Variants in PEX14 observed in about 807,000 individuals in gnomAD.
The protein encoded by PEX14 is peroxisomal biogenesis factor 14.
Under a neutral mutation model 49.5 loss-of-function variants are expected in PEX14, and 15 were observed. The ratio of observed to expected loss-of-function variants is 0.30; its 90% CI spans 0.20 to 0.47. The LOEUF is 0.47. PEX14 is among the 20% of genes least tolerant of loss of function. The probability of loss-of-function intolerance (pLI) is 1.00; values close to 1 mark genes in which losing one functional copy is unlikely to be tolerated. For synonymous variants in PEX14, 210 were observed against 212.7 expected (o/e 0.99, Z 0.11); for missense variants, 398 against 494.8 (o/e 0.80, Z 1.86).
rs1032296350 is a variant in PEX14, at chr1:10,613,219, C to G, written c.299-5113C>G. ...GTGTTCTTAGTTGATGATGTTTGTT[C>G]TCACCTGTTAGGTGAGAATTTGGTT... On this transcript the variant is annotated intron_variant, in intron 4 of 8. Coordinates refer to ENST00000356607, the MANE Select transcript of PEX14 (RefSeq NM_004565.3). This position sits in a 1 kb window ranked among gnomAD's most constrained non-coding sequence, Gnocchi z 5.0. Among the ~76,000 whole-genome samples, 1 of 152,182 alleles carries G rather than the reference C, an allele frequency of 6.6e-6. No individual in the cohort carries two copies. The highest frequency in any genetic ancestry group is 2.4e-5 in the African/African-American group (1 of 41,438).
In PEX14 at chr1:10,521,721, C is replaced by A. The variant is rs939608756; in HGVS notation, c.85-14492C>A. On this transcript the variant is annotated intron_variant, in intron 2 of 8. Coordinates refer to ENST00000356607, the MANE Select transcript of PEX14 (RefSeq NM_004565.3). The stretch of plus-strand genomic sequence containing the variant: ...CTTATGGGTGTTGACTTTTTTCCCC[C>A]CTAAGAATCATACATATTTAAGGTG... Among the ~76,000 whole-genome samples the A allele has an allele frequency of 3.3e-5, 5 of 152,166 alleles. No individual in the cohort carries two copies. In the South Asian group the frequency reaches 6.2e-4, roughly 19 times the overall value.
At position 10,599,301 on chromosome 1, in the gene PEX14, C is replaced by T. The variant is rs778315559; in HGVS notation, c.233C>T (p.Ser78Leu). The T allele has an allele frequency of 3.7e-6, 6 of 1,613,954 alleles. No homozygotes were observed. The African/African-American group carries it at 4.0e-5, about 11-fold the overall frequency. ...QQSGTAADEP[S>L]SLGPATQVVP... ...TCGGGCACTGCTGCCGATGAGCCTT[C>T]GTCCTTGGGCCCAGCCACACAGGTG... The change falls in exon 4 of 9, where the codon TCG becomes TTG. Residue 78 changes from serine (S) to leucine (L), a missense_variant. Ser to Leu is a moderately radical substitution (Grantham distance 145). Around this residue, in one of 3 missense-constraint regions of PEX14, gnomAD observed 202 missense variants for 298.5 expected, o/e 0.68. Coordinates refer to ENST00000356607, the MANE Select transcript of PEX14 (RefSeq NM_004565.3).
Position 10,602,304 on chromosome 1 carries a change from G to T in PEX14, c.298+2938G>T, listed in dbSNP as rs966347086. On this transcript the variant is annotated intron_variant, in intron 4 of 8. Coordinates refer to ENST00000356607, the MANE Select transcript of PEX14 (RefSeq NM_004565.3). ...GTAATGATAATTTTAAATACCTGAA[G>T]TTTTTAGTTGTCATCATTGAGCTTC... 1.8e-4 allele frequency among the ~76,000 whole-genome samples: 27 copies of T among 152,030 alleles called. No individual in the cohort carries two copies. The East Asian group carries it at 4.2e-3, about 24-fold the overall frequency.
At position 10,630,045 on chromosome 1, in the gene PEX14, A is replaced by G; in HGVS notation, c.*58A>G. On this transcript the variant is annotated 3_prime_UTR_variant, in exon 9 of 9. Coordinates refer to ENST00000356607, the MANE Select transcript of PEX14 (RefSeq NM_004565.3). The surrounding 1 kb of genome is among the most constrained non-coding windows in gnomAD (Gnocchi z 4.1). ...GCATCTAGTGTGCCCGTGCGTGGCC[A>G]TACCCTGCCTCCCTCTCTGGCCCTG... The G allele has an allele frequency of 6.3e-7, 1 of 1,594,430 alleles. No individual in the cohort carries two copies. The highest frequency in any genetic ancestry group is 8.5e-7 in the Non-Finnish European group (1 of 1,176,506).
chr1:10,582,294 C>A (rs1357666465), intron 3 of PEX14, among the ~76,000 whole-genome samples: 1 of 152,042 alleles, frequency 6.6e-6, no homozygotes, highest in Non-Finnish European at 1.5e-5. Flanking sequence ...CATTTATTCA[C>A]ACATTGAACA....
chr1:10,492,781 C>A (rs1459177748), intron 1 of PEX14, among the ~76,000 whole-genome samples: 1 of 152,202 alleles, frequency 6.6e-6, no homozygotes, highest in Non-Finnish European at 1.5e-5. Flanking sequence ...ACTGTCCTAG[C>A]CCCCAGGGAT....
chr1:10,607,511 G>A (rs1347631232), intron 4 of PEX14, among the ~76,000 whole-genome samples: 4 of 152,158 alleles, frequency 2.6e-5, no homozygotes, highest in African/African-American at 9.7e-5. Context: ...CACCAGCAAT[G>A]TTTGAGAGTT....
chr1:10,497,334 A>C (rs1641586980), intron 2 of PEX14, among the ~76,000 whole-genome samples: 1 of 152,204 alleles, frequency 6.6e-6, no homozygotes, highest in Non-Finnish European at 1.5e-5. Context: ...AAAGCCCCAC[A>C]GCTCAGTGTG....
intron 4 of PEX14, among the ~76,000 whole-genome samples, chr1:10,602,741 C>G (rs1196275136): frequency 1.3e-5 from 2 of 151,986 alleles, no homozygotes; most frequent in African/African-American, 4.8e-5. Flanking sequence ...CTTTTCTAAC[C>G]CCCTTAATTA....
At chr1:10,545,340 A>G (rs993597889) in intron 3 of PEX14, among the ~76,000 whole-genome samples, 1 of 152,218 alleles carries the variant, frequency 6.6e-6, no homozygotes, top group Admixed American at 6.5e-5. Flanking sequence ...TTTTGGGTAC[A>G]TACTTTAGGA....
At chr1:10,527,506 ACT>A (rs1451797974) in intron 2 of PEX14, among the ~76,000 whole-genome samples, 7 of 139,788 alleles carry the variant, frequency 5.0e-5, no homozygotes, top group Non-Finnish European at 1.1e-4. Flanking sequence ...ACAGAGCGAG[ACT>A]CTGTCTCAAA....
intron 3 of PEX14, among the ~76,000 whole-genome samples, chr1:10,551,174 T>C (rs1324589925): frequency 6.6e-6 from 1 of 152,242 alleles, no homozygotes; most frequent in Non-Finnish European, 1.5e-5. Flanking sequence ...TATTAAAAAT[T>C]GCAATCATAT....
At chr1:10,567,458 A>G (rs771946346) in intron 3 of PEX14, among the ~76,000 whole-genome samples, 2 of 152,126 alleles carry the variant, frequency 1.3e-5, no homozygotes, top group African/African-American at 4.8e-5. Flanking sequence ...TCTTATTTCT[A>G]TATAATTTTC....
At chr1:10,602,136 T>C (rs548342881) in intron 4 of PEX14, among the ~76,000 whole-genome samples, 303 of 152,348 alleles carry the variant, frequency 2.0e-3, no homozygotes, top group Middle Eastern at 6.8e-3. Flanking sequence ...ATCATACTCA[T>C]GTCCAGATCG....
intron 3 of PEX14, among the ~76,000 whole-genome samples, chr1:10,548,077 C>T (rs1319590892): frequency 6.6e-6 from 1 of 151,996 alleles, no homozygotes; most frequent in Non-Finnish European, 1.5e-5. Context: ...ATTAGCCAGG[C>T]GTGGTGGCGC....
In PEX14 at chr1:10,597,929, G is replaced by A. The variant is rs921728845; in HGVS notation, c.170-1309G>A. 1.1e-4 allele frequency among the ~76,000 whole-genome samples: 17 copies of A among 152,190 alleles called. No individual in the cohort carries two copies. The highest frequency in any genetic ancestry group is 4.1e-4 in the African/African-American group (17 of 41,446). The stretch of plus-strand genomic sequence containing the variant: ...CTCATATGCCAGTATGGTGCAGGGC[G>A]GAGCTGTGCTTTAAAGCATTAATGT... On this transcript the variant is annotated intron_variant, in intron 3 of 8. Coordinates refer to ENST00000356607, the MANE Select transcript of PEX14 (RefSeq NM_004565.3). This position sits in a 1 kb window ranked among gnomAD's most constrained non-coding sequence, Gnocchi z 5.7.
intron 2 of PEX14, among the ~76,000 whole-genome samples, chr1:10,501,288 C>T (rs1038790806): frequency 5.0e-5 from 5 of 99,936 alleles, no homozygotes; most frequent in Non-Finnish European, 2.4e-5. Context: ...TCCGCCCTAT[C>T]AGTTTATTTT....
chr1:10,490,987 G>A (rs995341471), intron 1 of PEX14, among the ~76,000 whole-genome samples: 1 of 150,886 alleles, frequency 6.6e-6, no homozygotes, highest in East Asian at 1.9e-4. Context: ...GAACCACCAT[G>A]CCCGGCCTTG....
chr1:10,553,761 G>C (rs1346959105), intron 3 of PEX14, among the ~76,000 whole-genome samples: 1 of 152,078 alleles, frequency 6.6e-6, no homozygotes, highest in African/African-American at 2.4e-5. Context: ...TTTGTCATCT[G>C]TTTCCTCATC....
Sources: gnomAD v4.1 joint callset for allele counts (sites outside exome capture counted in the v4.1 genomes callset) on GRCh38, gnomAD v4.1.1 for gene constraint, gnomAD v4.1.1 regional missense constraint, Gnocchi (gnomAD v3.1) non-coding constraint, MANE v1.5 for transcripts, NCBI Gene and HGNC (gene_info 2026-07-23, HGNC 2026-07-21) for gene names.